POGLUT1: variants seen among roughly 807,000 people sequenced by gnomAD.
POGLUT1 encodes protein O-glucosyltransferase 1.
A neutral mutation model predicts 61.3 loss-of-function variants in POGLUT1; 32 were observed. The ratio of observed to expected loss-of-function variants is 0.52; its 90% CI spans 0.39 to 0.70. The LOEUF (loss-of-function observed/expected upper bound fraction) is 0.70, where lower values mean the gene tolerates loss of function less well. Among genes scored for constraint, POGLUT1 ranks in the 30% least tolerant of loss-of-function variants. The pLI, the probability that POGLUT1 is intolerant of heterozygous loss-of-function variation, is 0.00. For missense variants in POGLUT1, 411 were observed against 469.8 expected (o/e 0.87, Z 1.16); for synonymous variants, 158 against 158.2 (o/e 1.00, Z 0.01).
At chr3:119,480,259 T>C (rs1020052381) in intron 5 of POGLUT1, 87 bp downstream of exon 5, 12 of 1,188,102 alleles carry the variant, frequency 1.0e-5, no homozygotes, top group Admixed American at 5.7e-5. Context: ...TTACTTTTTT[T>C]TTTTTTGAGA....
chr3:119,469,706 G>A, intron 1 of POGLUT1, 114 bp from the exon 2 acceptor site: 1 of 635,208 alleles, frequency 1.6e-6, no homozygotes, highest in East Asian at 2.7e-5. Flanking sequence ...TCCATCAGTG[G>A]GATGGGAAGG....
At chr3:119,476,383 T>G (rs1367041366) in intron 3 of POGLUT1, among the ~76,000 whole-genome samples, 3 of 152,134 alleles carry the variant, frequency 2.0e-5, no homozygotes, top group Non-Finnish European at 4.4e-5. Flanking sequence ...GTTGAGCATC[T>G]TTTCCTATGT....
At chr3:119,487,073 A>T (rs750633633) in intron 7 of POGLUT1, 141 bp downstream of exon 7, 1 of 646,604 alleles carries the variant, frequency 1.5e-6, no homozygotes, top group South Asian at 1.8e-5. Context: ...CAGCATTAGC[A>T]TATATGTAAA....
At chr3:119,470,233 C>T (rs1287688520) in intron 2 of POGLUT1, among the ~76,000 whole-genome samples, 1 of 152,114 alleles carries the variant, frequency 6.6e-6, no homozygotes, top group Non-Finnish European at 1.5e-5. Context: ...GGAAATAAAC[C>T]CATCTATCGC....
Position 119,469,225 on chromosome 3 carries a change from G to A in POGLUT1, c.85+119G>A, listed in dbSNP as rs779507334. 2.8e-5 allele frequency: 22 copies of A among 782,882 alleles called. No individual in the cohort carries two copies. The South Asian group carries it at 2.9e-4, about 10-fold the overall frequency. 48.5% of individuals were successfully genotyped at this position (782,882 alleles called of 1,614,324 possible). A position where few individuals can be genotyped will look rare whatever the true frequency, so the allele number is the denominator to read the frequency against. On this transcript the variant is annotated intron_variant, in intron 1 of 10. Coordinates refer to ENST00000295588, the MANE Select transcript of POGLUT1 (RefSeq NM_152305.3). ...GCCGTGGCCGCTGTAGCTCGGAGCT[G>A]GGCAGAAGGCACCGGGGCGCCTTGC...
In POGLUT1 at chr3:119,469,863, G is replaced by T. The variant is rs2081449165; in HGVS notation, c.129G>T (p.Leu43Phe). The change falls in exon 2 of 11, where the codon TTG becomes TTT. Residue 43 changes from leucine to phenylalanine, a missense_variant. By Grantham distance (22) the Leu-to-Phe change is conservative. Transcript: ENST00000295588. The stretch of plus-strand genomic sequence containing the variant: ...TTATTGACCAAATTAACAGGTCTTT[G>T]GAGAATTACGAACCATGTTCAAGTC... ...KVFIDQINRS[L>F]ENYEPCSSQN... is the part of the protein sequence containing the mutation. 1.9e-6 allele frequency: 3 copies of T among 1,608,384 alleles called. No homozygotes were observed. Among genetic ancestry groups the T allele is most frequent in the Non-Finnish European group, 2.6e-6 (3 of 1,174,748 alleles).
intron 10 of POGLUT1, 33 bp downstream of exon 10, chr3:119,491,607 A>G: frequency 7.9e-7 from 1 of 1,266,760 alleles, no homozygotes; most frequent in Non-Finnish European, 1.1e-6. Flanking sequence ...TTTCCACTTT[A>G]CTTTTTGTCA....
rs547002184 is a variant in POGLUT1 at position 119,485,525 on chromosome 3, A to G, written c.638+138A>G. The G allele has an allele frequency of 5.4e-4, 312 of 578,608 alleles. 3 individuals are homozygous for G. In the South Asian group the frequency reaches 7.2e-3, roughly 13 times the overall value. 35.8% of individuals were successfully genotyped at this position (578,608 alleles called of 1,614,324 possible). On this transcript the variant is annotated intron_variant, in intron 6 of 10. Transcript: ENST00000295588. ...GAAAGAAATGTGGAATCACAATTTTAGATTCGAGAATAATTCACATTATTT... is the reference window on the plus strand; with the variant it reads ...GAAAGAAATGTGGAATCACAATTTTGGATTCGAGAATAATTCACATTATTT...
At chr3:119,475,407 C>T (rs1222114991) in intron 3 of POGLUT1, among the ~76,000 whole-genome samples, 2 of 152,172 alleles carry the variant, frequency 1.3e-5, no homozygotes, top group South Asian at 2.1e-4. Flanking sequence ...TTTTGGATAA[C>T]GCAAGCAATG....
chr3:119,479,199 G>A (rs2107710026), intron 4 of POGLUT1, among the ~76,000 whole-genome samples: 1 of 152,098 alleles, frequency 6.6e-6, no homozygotes, highest in Admixed American at 6.5e-5. Context: ...CAAAGTGCTG[G>A]GATTACAGGT....
At chr3:119,482,257 A>G (rs1287098438) in intron 5 of POGLUT1, among the ~76,000 whole-genome samples, 1 of 152,122 alleles carries the variant, frequency 6.6e-6, no homozygotes, top group Admixed American at 6.5e-5. Flanking sequence ...TGATTATGAA[A>G]CCTATATATG....
At chr3:119,483,579 T>C (rs1328058344) in intron 5 of POGLUT1, among the ~76,000 whole-genome samples, 1 of 152,262 alleles carries the variant, frequency 6.6e-6, no homozygotes, top group Non-Finnish European at 1.5e-5. Context: ...AAGTGCTATA[T>C]AGATGTTGGC....
chr3:119,473,863 G>A (rs560547328), intron 3 of POGLUT1, among the ~76,000 whole-genome samples: 3 of 152,118 alleles, frequency 2.0e-5, no homozygotes, highest in South Asian at 4.1e-4. Context: ...GTTTCACCTC[G>A]TTCGTCAGGC....
At chr3:119,478,955 C>T (rs1286154037) in intron 4 of POGLUT1, among the ~76,000 whole-genome samples, 1 of 151,382 alleles carries the variant, frequency 6.6e-6, no homozygotes, top group Non-Finnish European at 1.5e-5. Flanking sequence ...GGCAGAGTCT[C>T]ACTCTGTTGC....
chr3:119,492,374 A>C lies in POGLUT1; in HGVS notation c.1115A>C (p.Tyr372Ser). 6.2e-7 allele frequency: 1 copy of C among 1,607,538 alleles called. No homozygotes were observed. The highest frequency in any genetic ancestry group is 8.5e-7 in the Non-Finnish European group (1 of 1,174,992). ...LLSEYSKFLS[Y>S]NVTRRKGYDQ... ...AGTGAATACTCTAAATTCCTGTCTT[A>C]TAATGTAACGAGAAGGAAAGGTTAT... Residue 372 changes from tyrosine to serine, a missense_variant, in exon 11 of 11, where the codon TAT (tyrosine) becomes TCT (serine). Tyr to Ser is a moderately radical substitution (Grantham distance 144). Transcript: ENST00000295588.
At chr3:119,486,021 T>C (rs1329773894) in intron 6 of POGLUT1, among the ~76,000 whole-genome samples, 2 of 152,198 alleles carry the variant, frequency 1.3e-5, no homozygotes, top group African/African-American at 4.8e-5. Flanking sequence ...TTTTGTAGTT[T>C]TAGCAAGTGA....
At chr3:119,485,409 T>C in intron 6 of POGLUT1, 22 bp downstream of exon 6, 2 of 1,530,604 alleles carry the variant, frequency 1.3e-6, no homozygotes, top group Non-Finnish European at 9.0e-7. Flanking sequence ...TCTGACATTT[T>C]ACAAAGATAT....
intron 5 of POGLUT1, among the ~76,000 whole-genome samples, chr3:119,482,767 T>C (rs1351734089): frequency 1.3e-5 from 2 of 152,236 alleles, no homozygotes; most frequent in African/African-American, 4.8e-5. Context: ...TCTATTTTTC[T>C]GATATTTTGG....
intron 4 of POGLUT1, 58 bp from the exon 5 acceptor site, chr3:119,479,993 T>A: frequency 3.7e-6 from 6 of 1,607,628 alleles, no homozygotes; most frequent in Non-Finnish European, 5.1e-6. Context: ...ATGATTGCAG[T>A]TGCCTCTTTT....
Sources: gnomAD v4.1 joint callset for allele counts (sites outside exome capture counted in the v4.1 genomes callset) on GRCh38, gnomAD v4.1.1 for gene constraint, MANE v1.5 for transcripts, NCBI Gene and HGNC (gene_info 2026-07-23, HGNC 2026-07-21) for gene names.